The following GABRA2 variants were observed in gnomAD, a reference collection of about 807,000 sequenced individuals.
The protein encoded by GABRA2 is gamma-aminobutyric acid receptor subunit alpha-2.
GABRA2 carries 16 observed loss-of-function variants against 48.7 expected under a neutral mutation model. The ratio of observed to expected loss-of-function variants is 0.33; its 90% CI spans 0.22 to 0.50. GABRA2 has a LOEUF of 0.50. Among genes scored for constraint, GABRA2 ranks in the 20% least tolerant of loss-of-function variants. The pLI is 0.98. For synonymous variants in GABRA2, 185 were observed against 184.5 expected (o/e 1.00, Z -0.02); for missense variants, 275 against 535.6 (o/e 0.51, Z 4.80).
At chr4:46,353,271 C>G (rs538459634) in intron 3 of GABRA2, among the ~76,000 whole-genome samples, 4 of 152,206 alleles carry the variant, frequency 2.6e-5, no homozygotes, top group African/African-American at 9.6e-5. Context: ...TATCACCTGT[C>G]AAGAATTCTA....
chr4:46,359,353 G>C (rs1041724845), intron 3 of GABRA2, among the ~76,000 whole-genome samples: 2 of 152,012 alleles, frequency 1.3e-5, no homozygotes, highest in African/African-American at 4.8e-5. Flanking sequence ...AAGATTCTCT[G>C]ACACTTTAGA....
At chr4:46,287,892 A>C (rs533981722) in intron 8 of GABRA2, among the ~76,000 whole-genome samples, 2 of 152,166 alleles carry the variant, frequency 1.3e-5, no homozygotes. Context: ...AAAGAGGTTT[A>C]ATGGACTTAC....
rs1188030097 is a variant in GABRA2 at position 46,247,336 on chromosome 4, C to T, written c.*2972G>A. Among the ~76,000 whole-genome samples the T allele has an allele frequency of 6.6e-6, 1 of 151,132 alleles. No homozygotes were observed. The highest frequency in any genetic ancestry group is 1.5e-5 in the Non-Finnish European group (1 of 67,454). On this transcript the variant is annotated 3_prime_UTR_variant, in exon 10 of 10. Coordinates refer to ENST00000381620, the MANE Select transcript of GABRA2 (RefSeq NM_000807.4). ...AGTGGCATCATAGCTCATTAAAGAA[C>T]TCCCAGTACTAAATTAATTTACATG... is the stretch of plus-strand genomic sequence containing the variant.
chr4:46,290,087 A>ATTT (rs200118144), intron 8 of GABRA2, among the ~76,000 whole-genome samples: 51 of 144,066 alleles, frequency 3.5e-4, no homozygotes, highest in East Asian at 1.8e-3. Flanking sequence ...CATTTTTTGT[A>ATTT]TTTTTTTTTT....
intron 3 of GABRA2, among the ~76,000 whole-genome samples, chr4:46,380,217 A>G (rs936662071): frequency 6.6e-5 from 10 of 152,292 alleles, no homozygotes; most frequent in South Asian, 4.1e-4. Flanking sequence ...GATGGTGCCA[A>G]ATTTTTATAT....
chr4:46,303,450 A>G lies in GABRA2; in HGVS notation c.856+10T>C, dbSNP rs1431400709. On this transcript the variant is annotated intron_variant, in intron 8 of 9. Transcript: ENST00000381620. ...TAATGTGCTGTACTGCAAAGTGTGTATTCACTCACCAAACACAGTTCTTGC... is the reference window on the plus strand; with the variant it reads ...TAATGTGCTGTACTGCAAAGTGTGTGTTCACTCACCAAACACAGTTCTTGC... 8 of 1,611,522 alleles carry G rather than the reference A, an allele frequency of 5.0e-6. No homozygotes were observed. In the East Asian group the frequency reaches 1.3e-4, roughly 27 times the overall value.
intron 8 of GABRA2, among the ~76,000 whole-genome samples, chr4:46,285,331 AT>A (rs1422283807): frequency 6.6e-5 from 10 of 152,046 alleles, no homozygotes; most frequent in Admixed American, 5.9e-4. Context: ...AATAGTCTGG[AT>A]TTTTTATTTT....
chr4:46,245,679 A>G lies in GABRA2; in HGVS notation c.*4629T>C, dbSNP rs988298289. On this transcript the variant is annotated 3_prime_UTR_variant, in exon 10 of 10. Transcript: ENST00000381620. ...TGAATTTCTCAAAACATTATTCCATACATACCTAGGAATTACACACATACA... is the reference window on the plus strand; with the variant it reads ...TGAATTTCTCAAAACATTATTCCATGCATACCTAGGAATTACACACATACA... Among the ~76,000 whole-genome samples, 9 of 151,230 alleles carry G rather than the reference A, an allele frequency of 6.0e-5. No individual in the cohort carries two copies. The highest frequency in any genetic ancestry group is 2.1e-4 in the South Asian group (1 of 4,816).
At chr4:46,295,037 G>A (rs1390508595) in intron 8 of GABRA2, among the ~76,000 whole-genome samples, 1 of 152,176 alleles carries the variant, frequency 6.6e-6, no homozygotes, top group Non-Finnish European at 1.5e-5. Context: ...CTGCACCGAT[G>A]GCCTCATGGG....
chr4:46,262,787 A>G (rs1010836956), intron 8 of GABRA2, among the ~76,000 whole-genome samples: 10 of 151,960 alleles, frequency 6.6e-5, no homozygotes, highest in African/African-American at 2.4e-4. Context: ...AATCCCATCT[A>G]CTTGGGAGGC....
chr4:46,302,427 T>C (rs1201421710), intron 8 of GABRA2: 1 of 152,084 alleles, frequency 6.6e-6, no homozygotes, highest in East Asian at 1.9e-4. Flanking sequence ...ACATATAAAG[T>C]CTAGCTATAT....
intron 3 of GABRA2, among the ~76,000 whole-genome samples, chr4:46,381,598 T>G (rs1716764079): frequency 6.6e-6 from 1 of 152,172 alleles, no homozygotes; most frequent in Admixed American, 6.5e-5. Flanking sequence ...TCCTATCAAT[T>G]GTATGTCACA....
chr4:46,290,200 G>A (rs1171082608), intron 8 of GABRA2, among the ~76,000 whole-genome samples: 5 of 151,512 alleles, frequency 3.3e-5, no homozygotes, highest in Admixed American at 1.3e-4. Context: ...CACCGCGCCC[G>A]GCCTGAGTAT....
rs1279835050 is a variant in GABRA2, at chr4:46,247,820, C to T, written c.*2488G>A. Among the ~76,000 whole-genome samples the T allele has an allele frequency of 2.0e-5, 3 of 151,160 alleles. No homozygotes were observed. Among genetic ancestry groups the T allele is most frequent in the East Asian group, 3.9e-4 (2 of 5,122 alleles). On this transcript the variant is annotated 3_prime_UTR_variant, in exon 10 of 10. Coordinates refer to ENST00000381620, the MANE Select transcript of GABRA2 (RefSeq NM_000807.4). ...CCACGGAGCATCCCTAGTCTCCCCA[C>T]AAGAGAAGAAGCTCCTTTTGATTTA...
At chr4:46,329,694 C>A (rs184943921) in intron 4 of GABRA2, among the ~76,000 whole-genome samples, 1 of 152,108 alleles carries the variant, frequency 6.6e-6, no homozygotes, top group South Asian at 2.1e-4. Flanking sequence ...AAGAATTTAG[C>A]TGTCTTTTAT....
At chr4:46,339,144 T>A (rs1165946827) in intron 3 of GABRA2, among the ~76,000 whole-genome samples, 1 of 151,896 alleles carries the variant, frequency 6.6e-6, no homozygotes, top group East Asian at 1.9e-4. Context: ...TTATTTATTA[T>A]TGTTTTCTGT....
chr4:46,374,259 A>G (rs1715356222), intron 3 of GABRA2, among the ~76,000 whole-genome samples: 1 of 152,118 alleles, frequency 6.6e-6, no homozygotes, highest in Admixed American at 6.5e-5. Context: ...TAAAACAGGA[A>G]ATCTTCCATC....
rs1718066324 is a variant in GABRA2, at chr4:46,390,124, C to G, written c.-400G>C. ...CCGGCGGTGGCGGGCACGAGCCCCGCGCCTGGAGGAGGAGGAGTCAGGCCG... is the reference window on the plus strand; with the variant it reads ...CCGGCGGTGGCGGGCACGAGCCCCGGGCCTGGAGGAGGAGGAGTCAGGCCG... On this transcript the variant is annotated 5_prime_UTR_variant, in exon 1 of 10. Transcript: ENST00000381620. 1.6e-5 allele frequency: 15 copies of G among 960,184 alleles called. No individual in the cohort carries two copies. Among genetic ancestry groups the G allele is most frequent in the Non-Finnish European group, 1.9e-5 (15 of 808,530 alleles). 59.5% of individuals were successfully genotyped at this position (960,184 alleles called of 1,614,324 possible).
chr4:46,359,778 A>C (rs184955337), intron 3 of GABRA2, among the ~76,000 whole-genome samples: 1 of 152,084 alleles, frequency 6.6e-6, no homozygotes, highest in Non-Finnish European at 1.5e-5. Flanking sequence ...TTAGCCGGGC[A>C]TGGAGGTGGG....
Sources: allele counts gnomAD v4.1 joint callset (sites outside exome capture counted in the v4.1 genomes callset), GRCh38; gene constraint gnomAD v4.1.1; transcripts MANE v1.5; gene names NCBI Gene and HGNC (gene_info 2026-07-23, HGNC 2026-07-21).